HLCS: variants seen among roughly 807,000 people sequenced by gnomAD.
HLCS encodes holocarboxylase synthetase.
In HLCS, 53 loss-of-function variants were observed where a neutral mutation model predicts 75.0. The observed-to-expected ratio is 0.71, with a 90% confidence interval of 0.57 to 0.89. The LOEUF is 0.89. Among genes scored for constraint, HLCS ranks in the 40% least tolerant of loss-of-function variants. The pLI, the probability that HLCS is intolerant of heterozygous loss-of-function variation, is 0.00. For missense variants in HLCS, 966 were observed against 1,074.0 expected, an observed-to-expected ratio of 0.90 and a Z score of 1.41; for synonymous variants, 431 against 428.6, an observed-to-expected ratio of 1.01 and a Z score of -0.07.
chr21:36,855,536 TAAAAAAAAAAAAA>T (rs71901243), intron 6 of HLCS, among the ~76,000 whole-genome samples: 2 of 75,662 alleles, frequency 2.6e-5, no homozygotes. Flanking sequence ...AGACTCCATC[TAAAAAAAAAAAAA>T]AAAAAAAAAA....
intron 6 of HLCS, among the ~76,000 whole-genome samples, chr21:36,866,840 G>GTT (rs71328516): frequency 2.9e-5 from 4 of 136,030 alleles, no homozygotes; most frequent in Non-Finnish European, 3.2e-5. Context: ...AATTTGAGTA[G>GTT]TTTTTTTTTT....
rs1568948047 is a variant in HLCS at position 36,750,236 on chromosome 21, A to G, written c.*4010T>C. ...TCTCTTTTACAAAAAAGAAAAAAAA[A>G]TCATCGTAGGCCCTAACATGTACCA... is the stretch of plus-strand genomic sequence containing the variant. On this transcript the variant is annotated 3_prime_UTR_variant, in exon 11 of 11. Transcript: ENST00000674895. 1.3e-5 allele frequency among the ~76,000 whole-genome samples: 2 copies of G among 152,242 alleles called. No homozygotes were observed. Among genetic ancestry groups the G allele is most frequent in the Admixed American group, 1.3e-4 (2 of 15,288 alleles).
At chr21:36,984,357 A>G (rs987861683) in intron 1 of HLCS, among the ~76,000 whole-genome samples, 3 of 152,182 alleles carry the variant, frequency 2.0e-5, no homozygotes, top group Non-Finnish European at 4.4e-5. Flanking sequence ...AAAATAGGGT[A>G]ATAATAAACT....
At chr21:36,933,495 G>C (rs1331879180) in intron 4 of HLCS, among the ~76,000 whole-genome samples, 11 of 147,336 alleles carry the variant, frequency 7.5e-5, no homozygotes, top group Admixed American at 5.5e-4. Flanking sequence ...AGGTTGCAGT[G>C]AGCCGAGATC....
chr21:36,823,610 G>GGTGTGTGTGTGTGTGTGTGTGTGTGTGT lies in HLCS; in HGVS notation c.1893-56353_1893-56326dup, dbSNP rs59724760. Among the ~76,000 whole-genome samples the GGTGTGTGTGTGTGTGTGTGTGTGTGTGT allele has an allele frequency of 2.3e-3, 308 of 132,792 alleles. 3 individuals are homozygous for GGTGTGTGTGTGTGTGTGTGTGTGTGTGT. The highest frequency in any genetic ancestry group is 6.6e-3 in the African/African-American group (237 of 35,856). 87.1% of individuals were successfully genotyped at this position (132,792 alleles called of 152,430 possible). A position where few individuals can be genotyped will look rare whatever the true frequency, so the allele number is the denominator to read the frequency against. On this transcript the variant is annotated intron_variant, in intron 6 of 10. Transcript: ENST00000674895. Reference sequence around the variant, plus strand: ...CCATTTACCAGCTTCAAACGTGCAGGGTGTGTGTGTGTGTGTGTGTGTGTG... The same window carrying GGTGTGTGTGTGTGTGTGTGTGTGTGTGT: ...CCATTTACCAGCTTCAAACGTGCAGGGTGTGTGTGTGTGTGTGTGTGTGTGTGTGTGTGTGTGTGTGTGTGTGTGTGTG...
intron 6 of HLCS, among the ~76,000 whole-genome samples, chr21:36,799,965 C>T (rs1337040235): frequency 6.6e-6 from 1 of 152,186 alleles, no homozygotes; most frequent in East Asian, 1.9e-4. Context: ...CATTTAGACA[C>T]GCAAGCCCCG....
intron 6 of HLCS, among the ~76,000 whole-genome samples, chr21:36,818,054 G>A (rs2061714071): frequency 6.6e-6 from 1 of 152,188 alleles, no homozygotes; most frequent in South Asian, 2.1e-4. Flanking sequence ...GTAAAGCAGT[G>A]TCGAATTAAT....
At chr21:36,768,124 C>T (rs369241995) in intron 6 of HLCS, among the ~76,000 whole-genome samples, 3 of 152,230 alleles carry the variant, frequency 2.0e-5, no homozygotes, top group African/African-American at 7.2e-5. Context: ...TCAGGTGCTG[C>T]GCAGGCGCGG....
chr21:36,906,176 A>G (rs985641806), intron 5 of HLCS, among the ~76,000 whole-genome samples: 1 of 152,122 alleles, frequency 6.6e-6, no homozygotes, highest in Non-Finnish European at 1.5e-5. Context: ...TTAGGGACAT[A>G]TTTAACAAAA....
chr21:36,797,149 G>A (rs1403286839), intron 6 of HLCS, among the ~76,000 whole-genome samples: 1 of 152,104 alleles, frequency 6.6e-6, no homozygotes, highest in Non-Finnish European at 1.5e-5. Context: ...TTACAGGGGT[G>A]AGCCACAGCT....
chr21:36,958,606 C>T (rs1337315167), intron 2 of HLCS, among the ~76,000 whole-genome samples: 3 of 152,040 alleles, frequency 2.0e-5, no homozygotes, highest in Non-Finnish European at 2.9e-5. Context: ...CTGGGCAACA[C>T]GGTGAAACCC....
chr21:36,868,305 G>GT (rs1033654940), intron 6 of HLCS, among the ~76,000 whole-genome samples: 39 of 107,020 alleles, frequency 3.6e-4, no homozygotes, highest in African/African-American at 1.8e-3. Context: ...AAGAAAAACA[G>GT]TAAGACCCCT....
chr21:36,764,553 A>G (rs1397913098), intron 8 of HLCS, among the ~76,000 whole-genome samples: 1 of 151,562 alleles, frequency 6.6e-6, no homozygotes, highest in Non-Finnish European at 1.5e-5. Context: ...AAAATACAAC[A>G]AAAGAGCCAG....
At chr21:36,900,480 G>C (rs1017513973) in intron 5 of HLCS, among the ~76,000 whole-genome samples, 4 of 152,150 alleles carry the variant, frequency 2.6e-5, no homozygotes, top group African/African-American at 9.7e-5. Flanking sequence ...GGTGGTGAGA[G>C]CCACCGTCCA....
chr21:36,761,520 G>A (rs543201131), intron 8 of HLCS, among the ~76,000 whole-genome samples: 3 of 152,202 alleles, frequency 2.0e-5, no homozygotes, highest in South Asian at 4.2e-4. Flanking sequence ...TCTCTAGAAC[G>A]GGGGTTCTCA....
chr21:36,862,945 C>CT (rs779603490), intron 6 of HLCS, among the ~76,000 whole-genome samples: 16,314 of 140,006 alleles, frequency 0.12, 2,239 homozygotes, highest in African/African-American at 0.33. Context: ...CTCTTTCTCT[C>CT]TTTTTTTTTT....
intron 4 of HLCS, among the ~76,000 whole-genome samples, chr21:36,935,175 G>A (rs2146517077): frequency 6.6e-6 from 1 of 152,304 alleles, no homozygotes; most frequent in Admixed American, 6.5e-5. Flanking sequence ...TGGATTTTCT[G>A]AGAATATGCA....
At chr21:36,821,774 G>A (rs757676465) in intron 6 of HLCS, among the ~76,000 whole-genome samples, 6 of 152,208 alleles carry the variant, frequency 3.9e-5, no homozygotes, top group South Asian at 2.1e-4. Context: ...AAACACCAGC[G>A]ATTATCCTGA....
At chr21:36,784,836 C>G (rs2060640238) in intron 6 of HLCS, among the ~76,000 whole-genome samples, 1 of 152,100 alleles carries the variant, frequency 6.6e-6, no homozygotes, top group South Asian at 2.1e-4. Flanking sequence ...TGTGTCTGAA[C>G]AGTTATTTTC....
Sources: allele counts gnomAD v4.1 joint callset (sites outside exome capture counted in the v4.1 genomes callset), GRCh38; gene constraint gnomAD v4.1.1; transcripts MANE v1.5; gene names NCBI Gene and HGNC (gene_info 2026-07-23, HGNC 2026-07-21).